KPNA6: variants seen among roughly 807,000 people sequenced by gnomAD.
The protein encoded by KPNA6 is karyopherin subunit alpha 6.
A neutral mutation model predicts 72.0 loss-of-function variants in KPNA6; 9 were observed. The observed-to-expected ratio is 0.13, with a 90% CI of 0.08 to 0.22. The LOEUF (loss-of-function observed/expected upper bound fraction) is 0.22, where lower values mean the gene tolerates loss of function less well. Ranked by LOEUF, KPNA6 falls within the 10% of genes least tolerant of loss-of-function variation. The probability of loss-of-function intolerance (pLI) is 1.00; values close to 1 mark genes in which losing one functional copy is unlikely to be tolerated. For synonymous variants in KPNA6, 219 were observed against 242.1 expected, an observed-to-expected ratio of 0.90 and a Z score of 0.89; for missense variants, 374 against 655.7, an observed-to-expected ratio of 0.57 and a Z score of 4.69.
chr1:32,123,466 C>A (rs1402908359), intron 1 of KPNA6, among the ~76,000 whole-genome samples: 1 of 152,062 alleles, frequency 6.6e-6, no homozygotes, highest in Admixed American at 6.6e-5. Context: ...CAGGGCGGGG[C>A]ATGGTGGCTC....
rs150196943 is a variant in KPNA6, at chr1:32,123,483, G to A, written c.4+15349G>A. Among the ~76,000 whole-genome samples the A allele has an allele frequency of 1.1e-3, 162 of 152,252 alleles. 1 individual carries two copies. The highest frequency in any genetic ancestry group is 3.9e-3 in the African/African-American group (160 of 41,554). ...GGGCGGGGCATGGTGGCTCATGTCT[G>A]TAATCCCAGCACTATGGGAGACTGA... On this transcript the variant is annotated intron_variant, in intron 1 of 13. Coordinates refer to ENST00000373625, the MANE Select transcript of KPNA6 (RefSeq NM_012316.5).
intron 7 of KPNA6, among the ~76,000 whole-genome samples, chr1:32,161,573 G>A (rs1642239170): frequency 6.6e-6 from 1 of 152,152 alleles, no homozygotes; most frequent in African/African-American, 2.4e-5. Context: ...TCTCACAGTA[G>A]ACCTATAGCT....
At chr1:32,131,163 G>A (rs1024838269) in intron 1 of KPNA6, among the ~76,000 whole-genome samples, 2 of 152,110 alleles carry the variant, frequency 1.3e-5, no homozygotes, top group African/African-American at 2.4e-5. Context: ...GCCTGGTGGC[G>A]GGCGTCTGTA....
At chr1:32,134,290 CTGCCCTTCTAAAA>C (rs1641695474) in intron 1 of KPNA6, among the ~76,000 whole-genome samples, 1 of 151,150 alleles carries the variant, frequency 6.6e-6, no homozygotes. Flanking sequence ...TCTAACAAAA[CTGCCCTTCTAAAA>C]TGAGGGAGAA....
At chr1:32,138,628 G>C (rs1046218182) in intron 1 of KPNA6, among the ~76,000 whole-genome samples, 4 of 151,942 alleles carry the variant, frequency 2.6e-5, no homozygotes, top group African/African-American at 9.7e-5. Context: ...CTGAGAAGAG[G>C]ACCAAAGGTA....
chr1:32,138,833 G>T (rs1301014423), intron 1 of KPNA6, among the ~76,000 whole-genome samples: 1 of 152,160 alleles, frequency 6.6e-6, no homozygotes, highest in Non-Finnish European at 1.5e-5. Flanking sequence ...TACTGAGTGG[G>T]TCACTGGATT....
intron 10 of KPNA6, among the ~76,000 whole-genome samples, chr1:32,163,802 C>T (rs1642284594): frequency 1.3e-5 from 2 of 152,176 alleles, no homozygotes; most frequent in Non-Finnish European, 2.9e-5. Context: ...TTTTGAGTAG[C>T]GAGCATAATT....
Position 32,173,737 on chromosome 1 carries a change from T to G in KPNA6, c.*2843T>G, listed in dbSNP as rs1642478603. 6.6e-6 allele frequency: 1 copy of G among 152,258 alleles called. No homozygotes were observed. Among genetic ancestry groups the G allele is most frequent in the Non-Finnish European group, 1.5e-5 (1 of 68,068 alleles). The allele number at this position is 152,258 out of a possible 1,614,324, so 9.4% of individuals were successfully genotyped here. A position where few individuals can be genotyped will look rare whatever the true frequency, so the allele number is the denominator to read the frequency against. On this transcript the variant is annotated 3_prime_UTR_variant, in exon 14 of 14. Coordinates refer to ENST00000373625, the MANE Select transcript of KPNA6 (RefSeq NM_012316.5). ...TTCATCTAGATTCCATACCCTGGCC[T>G]AGGCGAGGTAAGGCTCTCTGGTTAT...
At chr1:32,154,533 A>G in intron 1 of KPNA6, 55 bp from the exon 2 acceptor site, 1 of 1,587,404 alleles carries the variant, frequency 6.3e-7, no homozygotes, top group Non-Finnish European at 8.6e-7. Flanking sequence ...AAGTCTAGTG[A>G]AAAGGAAATG....
At chr1:32,128,800 CTG>C (rs1382308129) in intron 1 of KPNA6, among the ~76,000 whole-genome samples, 3 of 152,082 alleles carry the variant, frequency 2.0e-5, no homozygotes, top group Non-Finnish European at 4.4e-5. Flanking sequence ...TCATGAATCT[CTG>C]AGAGAAATTC....
intron 7 of KPNA6, 47 bp from the exon 8 acceptor site, chr1:32,161,900 A>T: frequency 7.0e-7 from 1 of 1,430,850 alleles, no homozygotes; most frequent in Non-Finnish European, 9.8e-7. Context: ...CAACAGTCCT[A>T]TGCCAAGGCC....
intron 1 of KPNA6, chr1:32,142,834 C>T: frequency 1.5e-6 from 1 of 667,958 alleles, no homozygotes; most frequent in Admixed American, 3.4e-5. Flanking sequence ...AGATGTTCCT[C>T]CTTCCAATCT....
At position 32,121,080 on chromosome 1, in the gene KPNA6, T is replaced by C. The variant is rs191003566; in HGVS notation, c.4+12946T>C. The stretch of plus-strand genomic sequence containing the variant: ...TTAGTAGAGATGGGGTTTCAGCATA[T>C]TGTCCAGGCTGGTCTGGAATTCCTG... On this transcript the variant is annotated intron_variant, in intron 1 of 13. Transcript: ENST00000373625. Among the ~76,000 whole-genome samples the C allele has an allele frequency of 3.4e-3, 518 of 152,288 alleles. 23 individuals are homozygous for C. Among genetic ancestry groups the C allele is most frequent in the Admixed American group, 0.031 (474 of 15,282 alleles).
At chr1:32,121,962 C>G (rs1297227020) in intron 1 of KPNA6, among the ~76,000 whole-genome samples, 1 of 149,272 alleles carries the variant, frequency 6.7e-6, no homozygotes, top group Non-Finnish European at 1.5e-5. Context: ...GACAGAGCGA[C>G]ACTCCGACTC....
In KPNA6 at chr1:32,176,113, A is replaced by C. The variant is rs1475624949; in HGVS notation, c.*5219A>C. On this transcript the variant is annotated 3_prime_UTR_variant, in exon 14 of 14. Coordinates refer to ENST00000373625, the MANE Select transcript of KPNA6 (RefSeq NM_012316.5). ...TCTTGTCTCAAAAAAAAAAGTCCAC[A>C]TCTTCATGAACCCTCAGACTCTGGA... is the stretch of plus-strand genomic sequence containing the variant. The C allele has an allele frequency of 2.6e-5, 4 of 151,888 alleles. No individual in the cohort carries two copies. Among genetic ancestry groups the C allele is most frequent in the African/African-American group, 9.7e-5 (4 of 41,330 alleles). The allele number at this position is 151,888 out of a possible 1,614,324, so 9.4% of individuals were successfully genotyped here.
chr1:32,129,595 A>C (rs1478396808), intron 1 of KPNA6, among the ~76,000 whole-genome samples: 2 of 150,676 alleles, frequency 1.3e-5, no homozygotes, highest in Non-Finnish European at 3.0e-5. Context: ...TCGCTCTGTC[A>C]CCCAGGCTGG....
chr1:32,173,288 G>A lies in KPNA6; in HGVS notation c.*2394G>A, dbSNP rs1326668715. The A allele has an allele frequency of 2.6e-6, 1 of 391,930 alleles. No homozygotes were observed. The highest frequency in any genetic ancestry group is 2.1e-5 in the African/African-American group (1 of 48,278). 24.3% of individuals were successfully genotyped at this position (391,930 alleles called of 1,614,324 possible). A position where few individuals can be genotyped will look rare whatever the true frequency, so the allele number is the denominator to read the frequency against. On this transcript the variant is annotated 3_prime_UTR_variant, in exon 14 of 14. Coordinates refer to ENST00000373625, the MANE Select transcript of KPNA6 (RefSeq NM_012316.5). The stretch of plus-strand genomic sequence containing the variant: ...CATCTCAAGTAAGAGTTAAGTCCCT[G>A]ATACAGGGACCAGTTTCTTAGTGTA...
At chr1:32,161,760 GA>G (rs1642242054) in intron 7 of KPNA6, among the ~76,000 whole-genome samples, 186 bp from the exon 8 acceptor site, 1 of 152,190 alleles carries the variant, frequency 6.6e-6, no homozygotes, top group Non-Finnish European at 1.5e-5. Context: ...AGCTGGTCCT[GA>G]AATGAATACT....
In KPNA6 at chr1:32,161,964, C is replaced by T. The variant is rs200893401; in HGVS notation, c.665C>T (p.Thr222Ile). ...NPLLTLLTKS[T>I]RLTMTRNAVW... ...TCCTTCAGACTCCTTACCAAGTCCA[C>T]ACGACTGACGATGACACGGAATGCA... Residue 222 changes from threonine (T) to isoleucine (I), a missense_variant, in exon 8 of 14, where the codon ACA becomes ATA. Coordinates refer to ENST00000373625, the MANE Select transcript of KPNA6 (RefSeq NM_012316.5). 1.2e-6 allele frequency: 2 copies of T among 1,613,942 alleles called. No individual in the cohort carries two copies. Among genetic ancestry groups the T allele is most frequent in the Non-Finnish European group, 1.7e-6 (2 of 1,179,956 alleles).
Sources: allele counts gnomAD v4.1 joint callset (sites outside exome capture counted in the v4.1 genomes callset), GRCh38; gene constraint gnomAD v4.1.1; transcripts MANE v1.5; gene names NCBI Gene and HGNC (gene_info 2026-07-23, HGNC 2026-07-21).